Variants in CDK12 observed in about 807,000 individuals in gnomAD.
CDK12 encodes cyclin dependent kinase 12, also known as cyclin-dependent kinase 12.
Under a neutral mutation model 133.8 loss-of-function variants are expected in CDK12, and 17 were observed. That is an observed-to-expected ratio of 0.13 (90% confidence interval 0.09 to 0.19). The LOEUF is 0.19. Among genes scored for constraint, CDK12 ranks in the 10% least tolerant of loss-of-function variants. The pLI, the probability that CDK12 is intolerant of heterozygous loss-of-function variation, is 1.00. For missense variants in CDK12, 1,508 were observed against 1,818.7 expected (o/e 0.83, Z 3.11); for synonymous variants, 694 against 683.6 (o/e 1.02, Z -0.24).
chr17:39,492,727 T>A (rs751753793), intron 3 of CDK12, 24 bp from the exon 4 acceptor site: 1 of 1,597,368 alleles, frequency 6.3e-7, no homozygotes, highest in Non-Finnish European at 8.5e-7. Flanking sequence ...CTTAAATAAC[T>A]ATTTTGTTGT....
chr17:39,468,340 C>G (rs945885739), intron 1 of CDK12, among the ~76,000 whole-genome samples: 1 of 152,026 alleles, frequency 6.6e-6, no homozygotes, highest in Non-Finnish European at 1.5e-5. Flanking sequence ...TCATGTCAGT[C>G]TTACTATATG....
intron 11 of CDK12, among the ~76,000 whole-genome samples, chr17:39,521,787 C>T (rs2054187925): frequency 6.6e-6 from 1 of 152,092 alleles, no homozygotes; most frequent in South Asian, 2.1e-4. Flanking sequence ...GTCTCAAACT[C>T]CTGACTTCAG....
At chr17:39,535,729 C>T (rs1343779348), downstream of CDK12, among the ~76,000 whole-genome samples, 1 of 152,170 alleles carries the variant, frequency 6.6e-6, no homozygotes, top group Non-Finnish European at 1.5e-5. Flanking sequence ...GCATCCTTAA[C>T]TGTATGGTTA....
intron 1 of CDK12, among the ~76,000 whole-genome samples, chr17:39,467,743 CTT>C (rs770449135): frequency 1.3e-5 from 2 of 152,056 alleles, no homozygotes; most frequent in Non-Finnish European, 2.9e-5. Context: ...GAGAAAAACT[CTT>C]GTTTCAGCCA....
chr17:39,471,876 A>T (rs1431433283), intron 2 of CDK12, 113 bp downstream of exon 2: 1 of 961,564 alleles, frequency 1.0e-6, no homozygotes, highest in African/African-American at 1.6e-5. Context: ...AATGTCTTTG[A>T]TATTTTCAGT....
At chr17:39,543,707 A>G (rs1434552141), upstream of CDK12, among the ~76,000 whole-genome samples, 3 of 152,204 alleles carry the variant, frequency 2.0e-5, no homozygotes, top group African/African-American at 7.2e-5. Context: ...ATTTGTCTCT[A>G]GGGAATGTAT....
At chr17:39,524,008 G>A (rs1170340547) in intron 11 of CDK12, among the ~76,000 whole-genome samples, 2 of 152,082 alleles carry the variant, frequency 1.3e-5, no homozygotes, top group African/African-American at 2.4e-5. Context: ...AACATATAAG[G>A]GTTTTACTGA....
chr17:39,542,108 AG>A (rs1453700549), intron 1 of CDK12, among the ~76,000 whole-genome samples: 1 of 151,994 alleles, frequency 6.6e-6, no homozygotes, highest in Non-Finnish European at 1.5e-5. Context: ...AGAGAGATTG[AG>A]GGGGAAAGGT....
chr17:39,464,552 G>A (rs528754118), intron 1 of CDK12, among the ~76,000 whole-genome samples: 1 of 151,882 alleles, frequency 6.6e-6, no homozygotes, highest in East Asian at 1.9e-4. Context: ...TTGTATTTCA[G>A]TGTAATTTTT....
chr17:39,505,001 C>T (rs1048143033), intron 6 of CDK12, among the ~76,000 whole-genome samples: 6 of 150,908 alleles, frequency 4.0e-5, no homozygotes, highest in African/African-American at 1.2e-4. Context: ...GAGGCCGAGG[C>T]GGACGGATCA....
At chr17:39,496,426 G>A (rs1567732102) in intron 5 of CDK12, among the ~76,000 whole-genome samples, 2 of 152,092 alleles carry the variant, frequency 1.3e-5, no homozygotes, top group Non-Finnish European at 2.9e-5. Flanking sequence ...TAGGCCAGGT[G>A]CAGTGGCTCA....
chr17:39,542,392 T>C (rs1384049482), intron 1 of CDK12, among the ~76,000 whole-genome samples: 1 of 152,174 alleles, frequency 6.6e-6, no homozygotes, highest in East Asian at 1.9e-4. Context: ...GGTTTCACCA[T>C]GTTGGCCAGT....
chr17:39,547,851 A>G (rs2055788196), upstream of CDK12: 1 of 152,322 alleles, frequency 6.6e-6, no homozygotes, highest in African/African-American at 2.4e-5. Context: ...CCTCTGGGTA[A>G]GGTGCTCCCT....
At chr17:39,475,547 ATT>A (rs1039865528) in intron 2 of CDK12, among the ~76,000 whole-genome samples, 15 of 139,760 alleles carry the variant, frequency 1.1e-4, no homozygotes, top group Admixed American at 2.2e-4. Context: ...AGAACCTGAA[ATT>A]TTTTTTTTTT....
Position 39,533,373 on chromosome 17 carries a change from C to G in CDK12, c.*2057C>G, listed in dbSNP as rs572491022. 23 of 233,136 alleles carry G rather than the reference C, an allele frequency of 9.9e-5. No homozygotes were observed. The South Asian group carries it at 3.8e-3, about 39-fold the overall frequency. The allele number at this position is 233,136 out of a possible 1,614,324, so 14.4% of individuals were successfully genotyped here. A position where few individuals can be genotyped will look rare whatever the true frequency, so the allele number is the denominator to read the frequency against. ...ATCTGAACCTTCTGTCTGTTGACTT[C>G]TTAGTCCTCAGACATGGGCCTTTGT... On this transcript the variant is annotated 3_prime_UTR_variant, in exon 14 of 14. Transcript: ENST00000447079.
At chr17:39,512,015 T>A (rs532646318) in intron 8 of CDK12, among the ~76,000 whole-genome samples, 2 of 152,214 alleles carry the variant, frequency 1.3e-5, no homozygotes, top group Admixed American at 6.5e-5. Flanking sequence ...ATCCAGCCTT[T>A]TATAGTCTGG....
At chr17:39,463,700 G>A (rs1485489817) in intron 1 of CDK12, among the ~76,000 whole-genome samples, 2 of 151,610 alleles carry the variant, frequency 1.3e-5, no homozygotes, top group African/African-American at 4.8e-5. Context: ...CCTTTTAATG[G>A]TATAACCTAG....
At chr17:39,540,657 G>T (rs895685193) in intron 1 of CDK12, among the ~76,000 whole-genome samples, 1 of 152,170 alleles carries the variant, frequency 6.6e-6, no homozygotes, top group East Asian at 1.9e-4. Flanking sequence ...GCCTTTTTCT[G>T]TCCCTCCCTA....
intron 5 of CDK12, among the ~76,000 whole-genome samples, chr17:39,496,572 C>T (rs1050797484): frequency 4.6e-5 from 7 of 151,920 alleles, no homozygotes; most frequent in Admixed American, 1.3e-4. Context: ...TGGTGGCTAG[C>T]GCCTGTAATC....
Sources: gnomAD v4.1 joint callset for allele counts (sites outside exome capture counted in the v4.1 genomes callset) on GRCh38, gnomAD v4.1.1 for gene constraint, MANE v1.5 for transcripts, NCBI Gene and HGNC (gene_info 2026-07-23, HGNC 2026-07-21) for gene names.